TMEM132B: variants seen among roughly 807,000 people sequenced by gnomAD.
TMEM132B encodes transmembrane protein 132B.
A neutral mutation model predicts 90.8 loss-of-function variants in TMEM132B; 18 were observed. That is an observed-to-expected ratio of 0.20 (90% CI 0.14 to 0.29). The LOEUF is 0.29. TMEM132B is among the 10% of genes least tolerant of loss of function. The probability of loss-of-function intolerance (pLI) is 1.00; values close to 1 mark genes in which losing one functional copy is unlikely to be tolerated. For synonymous variants in TMEM132B, 504 were observed against 523.3 expected, an observed-to-expected ratio of 0.96 and a Z score of 0.50; for missense variants, 1,096 against 1,326.8, an observed-to-expected ratio of 0.83 and a Z score of 2.70.
chr12:125,650,434 T>C (rs752553231), intron 6 of TMEM132B, among the ~76,000 whole-genome samples: 10 of 152,120 alleles, frequency 6.6e-5, no homozygotes, highest in Admixed American at 1.3e-4. Flanking sequence ...AGCCTCAGCC[T>C]CTGTCTGGGT....
intron 3 of TMEM132B, among the ~76,000 whole-genome samples, chr12:125,515,872 A>G (rs1402633531): frequency 1.3e-5 from 2 of 151,286 alleles, no homozygotes; most frequent in Admixed American, 1.3e-4. Flanking sequence ...TGTCACACAC[A>G]CTCATAGACA....
intron 2 of TMEM132B, among the ~76,000 whole-genome samples, chr12:125,378,127 C>T (rs1248509589): frequency 2.6e-5 from 4 of 152,164 alleles, no homozygotes; most frequent in East Asian, 1.9e-4. Context: ...AGTGATGGGC[C>T]GCCCAGCTGG....
rs536638138 is a variant in TMEM132B at position 125,435,558 on chromosome 12, A to G, written c.1106+19881A>G. ...GTATTACAGAGCCCTCCCAAGAGCCAGGCACTAGTATAGGTGCTGAATTTA... is the reference window on the plus strand; with the variant it reads ...GTATTACAGAGCCCTCCCAAGAGCCGGGCACTAGTATAGGTGCTGAATTTA... On this transcript the variant is annotated intron_variant, in intron 3 of 8. Coordinates refer to ENST00000682704, the MANE Select transcript of TMEM132B (RefSeq NM_001366854.1). Among the ~76,000 whole-genome samples the G allele has an allele frequency of 7.2e-5, 11 of 152,358 alleles. No homozygotes were observed. The South Asian group carries it at 1.9e-3, about 26-fold the overall frequency.
intron 2 of TMEM132B, among the ~76,000 whole-genome samples, chr12:125,373,069 C>T (rs1878347351): frequency 6.6e-6 from 1 of 152,188 alleles, no homozygotes; most frequent in African/African-American, 2.4e-5. Flanking sequence ...AAGCACTCAT[C>T]GCCACCTGAA....
chr12:125,399,717 A>G (rs1879261864), intron 2 of TMEM132B, among the ~76,000 whole-genome samples: 1 of 152,198 alleles, frequency 6.6e-6, no homozygotes, highest in South Asian at 2.1e-4. Context: ...AGCATAGAAC[A>G]GGAAAGATCC....
chr12:125,232,081 A>C (rs901423253), intron 1 of TMEM132B, among the ~76,000 whole-genome samples: 12 of 152,176 alleles, frequency 7.9e-5, no homozygotes, highest in African/African-American at 2.4e-4. Flanking sequence ...ACACTTACGC[A>C]TATATAGATC....
At chr12:125,364,529 T>C (rs1178751416) in intron 2 of TMEM132B, among the ~76,000 whole-genome samples, 1 of 152,138 alleles carries the variant, frequency 6.6e-6, no homozygotes, top group Non-Finnish European at 1.5e-5. Context: ...TGTACATTAT[T>C]AGCTAGGATT....
rs1881393994 is a variant in TMEM132B at position 125,460,008 on chromosome 12, G to A, written c.1106+44331G>A. ...GGCCTCCCCAGCCATGTGGGAGTGT[G>A]AGCCCATGAAACCTCTTTTTCTTTA... On this transcript the variant is annotated intron_variant, in intron 3 of 8. Coordinates refer to ENST00000682704, the MANE Select transcript of TMEM132B (RefSeq NM_001366854.1). This position sits in a 1 kb window ranked among gnomAD's most constrained non-coding sequence, Gnocchi z 4.4. Among the ~76,000 whole-genome samples, 1 of 152,254 alleles carries A rather than the reference G, an allele frequency of 6.6e-6. No homozygotes were observed. The highest frequency in any genetic ancestry group is 2.1e-4 in the South Asian group (1 of 4,812).
chr12:125,397,884 G>T (rs765682713), intron 2 of TMEM132B, among the ~76,000 whole-genome samples: 1 of 152,196 alleles, frequency 6.6e-6, no homozygotes, highest in Non-Finnish European at 1.5e-5. Flanking sequence ...TGAAATTGTG[G>T]CAGGTGTTGA....
chr12:125,380,810 G>C (rs1262827519), intron 2 of TMEM132B, among the ~76,000 whole-genome samples: 3 of 152,178 alleles, frequency 2.0e-5, no homozygotes. Flanking sequence ...TGAGTCCTCT[G>C]TGGTTCCATT....
intron 3 of TMEM132B, among the ~76,000 whole-genome samples, chr12:125,502,124 C>A (rs1882716542): frequency 6.6e-6 from 1 of 152,156 alleles, no homozygotes; most frequent in African/African-American, 2.4e-5. Context: ...CTTGCTGTTC[C>A]CCTTGCCTGG....
intron 1 of TMEM132B, among the ~76,000 whole-genome samples, chr12:125,310,950 G>A (rs903158490): frequency 3.3e-5 from 5 of 152,180 alleles, no homozygotes; most frequent in Admixed American, 2.0e-4. Flanking sequence ...ACTGGTGTCC[G>A]AGGCTGTTCA....
chr12:125,322,340 T>C lies in TMEM132B; in HGVS notation c.68-27112T>C, dbSNP rs573450964. ...CATGATTGTGAGGCCTCCCCAGCCA[T>C]GTGGAACTGTGAGTCCATTAAACCT... On this transcript the variant is annotated intron_variant, in intron 1 of 8. Coordinates refer to ENST00000682704, the MANE Select transcript of TMEM132B (RefSeq NM_001366854.1). Among the ~76,000 whole-genome samples, 538 of 152,392 alleles carry C rather than the reference T, an allele frequency of 3.5e-3. 2 individuals carry two copies. The highest frequency in any genetic ancestry group is 6.1e-3 in the Non-Finnish European group (413 of 68,042).
intron 4 of TMEM132B, among the ~76,000 whole-genome samples, chr12:125,520,029 A>G (rs2526738): frequency 0.22 from 33,332 of 152,080 alleles, 4,127 homozygotes; most frequent in East Asian, 0.59. Context: ...CAGGTAACTT[A>G]TGGATTGGAA....
At chr12:125,310,553 G>T (rs1876098539) in intron 1 of TMEM132B, among the ~76,000 whole-genome samples, 1 of 151,894 alleles carries the variant, frequency 6.6e-6, no homozygotes, top group South Asian at 2.1e-4. Flanking sequence ...AAGTTAGACT[G>T]CCCTCTTCAA....
chr12:125,428,457 G>C (rs896638973), intron 3 of TMEM132B, among the ~76,000 whole-genome samples: 2 of 151,736 alleles, frequency 1.3e-5, no homozygotes, highest in Non-Finnish European at 2.9e-5. Flanking sequence ...CTATTATTAT[G>C]ACATTATATC....
chr12:125,651,083 T>C (rs556522537), intron 7 of TMEM132B, 130 bp downstream of exon 7: 3 of 1,256,814 alleles, frequency 2.4e-6, no homozygotes, highest in Non-Finnish European at 2.2e-6. Context: ...TCACTGTGCA[T>C]GTATTGCCTC....
chr12:125,494,551 C>T (rs2136572770), intron 3 of TMEM132B, among the ~76,000 whole-genome samples: 1 of 133,848 alleles, frequency 7.5e-6, no homozygotes, highest in African/African-American at 2.8e-5. Context: ...GTCCCTCCTC[C>T]CTCTCCTCCC....
chr12:125,624,742 C>T (rs934010778), intron 5 of TMEM132B, among the ~76,000 whole-genome samples: 21 of 152,080 alleles, frequency 1.4e-4, no homozygotes, highest in East Asian at 7.7e-4. Flanking sequence ...GGTTTGTGTG[C>T]GGTCCTTTTT....
Sources: allele counts gnomAD v4.1 joint callset (sites outside exome capture counted in the v4.1 genomes callset), GRCh38; gene constraint gnomAD v4.1.1; non-coding constraint Gnocchi (gnomAD v3.1); transcripts MANE v1.5; gene names NCBI Gene and HGNC (gene_info 2026-07-23, HGNC 2026-07-21).